The following N4BP2L1 variants were observed in gnomAD, a reference collection of about 807,000 sequenced individuals.
The protein encoded by N4BP2L1 is NEDD4-binding protein 2-like 1.
Under a neutral mutation model 21.2 loss-of-function variants are expected in N4BP2L1, and 12 were observed. The observed-to-expected ratio is 0.57, with a 90% CI of 0.36 to 0.92. N4BP2L1 has a LOEUF of 0.92. N4BP2L1 is among the 40% of genes least tolerant of loss of function. The pLI, the probability that N4BP2L1 is intolerant of heterozygous loss-of-function variation, is 0.01. For missense variants in N4BP2L1, 259 were observed against 310.6 expected (o/e 0.83, Z 1.25); for synonymous variants, 104 against 112.8 (o/e 0.92, Z 0.49).
At chr13:32,420,133 A>T (rs2074393268) in intron 1 of N4BP2L1, among the ~76,000 whole-genome samples, 1 of 152,356 alleles carries the variant, frequency 6.6e-6, no homozygotes, top group Admixed American at 6.5e-5. Flanking sequence ...TACTTCTCTT[A>T]CCTTTACCCC....
rs746513860 is a variant in N4BP2L1, at chr13:32,403,198, C to A, written c.476G>T (p.Arg159Ile). ...TTCTCTTGAGACACCATGAATGTTT[C>A]TTCTACATGGAAAAAAAATGCATTT... ...WKFNVQELAR[R>I]NIHGVSREKI... Residue 159 changes from arginine to isoleucine, a missense_variant and splice_region_variant, in exon 5 of 5, where the codon AGA becomes ATA. Physicochemically the swap from Arg to Ile is moderately conservative, Grantham distance 97 (BLOSUM62 -3). Coordinates refer to ENST00000380130, the MANE Select transcript of N4BP2L1 (RefSeq NM_052818.3). The A allele has an allele frequency of 6.3e-7, 1 of 1,586,030 alleles. No homozygotes were observed. The highest frequency in any genetic ancestry group is 1.1e-5 in the South Asian group (1 of 87,122).
At chr13:32,404,202 C>G in intron 4 of N4BP2L1, 119 bp downstream of exon 4, 1 of 1,607,366 alleles carries the variant, frequency 6.2e-7, no homozygotes, top group Non-Finnish European at 8.5e-7. Flanking sequence ...CCAAGAATTA[C>G]CATTTCTGGC....
At chr13:32,418,300 CA>C (rs1415080127) in intron 1 of N4BP2L1, among the ~76,000 whole-genome samples, 1 of 152,256 alleles carries the variant, frequency 6.6e-6, no homozygotes, top group African/African-American at 2.4e-5. Context: ...ACCATTGCTT[CA>C]GGGGGTACAA....
At position 32,402,155 on chromosome 13, in the gene N4BP2L1, T is replaced by TTAG; in HGVS notation, c.*784_*786dup. On this transcript the variant is annotated 3_prime_UTR_variant, in exon 5 of 5. Transcript: ENST00000380130. ...AGAAGTCGTTTATTCCTTTTAAAAG[T>TTAG]TAGTGTTTTATGAAGGCAGGCTTAT... 4.1e-6 allele frequency: 4 copies of TTAG among 985,056 alleles called. No homozygotes were observed. The highest frequency in any genetic ancestry group is 1.7e-5 in the African/African-American group (1 of 57,372). 61.0% of individuals were successfully genotyped at this position (985,056 alleles called of 1,614,324 possible).
At position 32,405,892 on chromosome 13, in the gene N4BP2L1, CTTTTTTTTTT is replaced by C. The variant is rs754694153; in HGVS notation, c.396+1348_396+1357del. Among the ~76,000 whole-genome samples, 6 of 101,256 alleles carry C rather than the reference CTTTTTTTTTT, an allele frequency of 5.9e-5. No individual in the cohort carries two copies. In the South Asian group the frequency reaches 1.5e-3, roughly 25 times the overall value. The allele number at this position is 101,256 out of a possible 152,430, so 66.4% of individuals were successfully genotyped here. A position where few individuals can be genotyped will look rare whatever the true frequency, so the allele number is the denominator to read the frequency against. ...TACTCCACTATCTGCTTCCTGCCCC[CTTTTTTTTTT>C]TTTTTTTTTTTTTTTTTTGAGACAG... On this transcript the variant is annotated intron_variant, in intron 3 of 4. Transcript: ENST00000380130.
intron 1 of N4BP2L1, 103 bp downstream of exon 1, chr13:32,427,801 G>C: frequency 1.4e-6 from 1 of 704,218 alleles, no homozygotes. Flanking sequence ...CCCGCGGCGG[G>C]GGCGCAAGCG....
intron 1 of N4BP2L1, among the ~76,000 whole-genome samples, chr13:32,409,454 A>G (rs980608336): frequency 1.3e-5 from 2 of 152,248 alleles, no homozygotes; most frequent in African/African-American, 2.4e-5. Flanking sequence ...GCGGGCCAGT[A>G]GATAATACAC....
At chr13:32,414,289 A>G (rs942604793) in intron 1 of N4BP2L1, among the ~76,000 whole-genome samples, 1 of 152,208 alleles carries the variant, frequency 6.6e-6, no homozygotes, top group Admixed American at 6.5e-5. Context: ...GTGCCATAAC[A>G]TAATGCTTAA....
In N4BP2L1 at chr13:32,402,979, G is replaced by C; in HGVS notation, c.695C>G (p.Ser232Cys). Residue 232 changes from serine (S) to cysteine (C), a missense_variant, in exon 5 of 5, where the codon TCC becomes TGC. Coordinates refer to ENST00000380130, the MANE Select transcript of N4BP2L1 (RefSeq NM_052818.3). ...RAHGGFTNES[S>C]YHRRGGCHHG... ...GTGACAACCGCCCCTTCTGTGATAGGAGCTCTCATTTGTAAATCCACCGTG... is the reference window on the plus strand; with the variant it reads ...GTGACAACCGCCCCTTCTGTGATAGCAGCTCTCATTTGTAAATCCACCGTG... 6.2e-7 allele frequency: 1 copy of C among 1,613,516 alleles called. No individual in the cohort carries two copies. Among genetic ancestry groups the C allele is most frequent in the Non-Finnish European group, 8.5e-7 (1 of 1,179,610 alleles).
In N4BP2L1 at chr13:32,403,193, T is replaced by C; in HGVS notation, c.481A>G (p.Ile161Val). The change falls in exon 5 of 5, where the codon ATT becomes GTT. Residue 161 changes from isoleucine (I) to valine (V), a missense_variant. Ile to Val is a conservative substitution (Grantham distance 29). Around this residue, in one of 3 missense-constraint regions of N4BP2L1, gnomAD observed 108 missense variants for 107.8 expected, o/e 1.00. Transcript: ENST00000380130. ...FNVQELARRNIHGVSREKIHR... is the reference protein window; with the variant it reads ...FNVQELARRNVHGVSREKIHR... ...ATTTTTTCTCTTGAGACACCATGAA[T>C]GTTTCTTCTACATGGAAAAAAAATG... The C allele has an allele frequency of 7.5e-6, 12 of 1,597,740 alleles. No individual in the cohort carries two copies. Among genetic ancestry groups the C allele is most frequent in the Non-Finnish European group, 1.0e-5 (12 of 1,170,820 alleles).
At chr13:32,428,384 C>T, upstream of N4BP2L1, 1 of 252,482 alleles carries the variant, frequency 4.0e-6, no homozygotes, top group Non-Finnish European at 7.5e-6. Flanking sequence ...GGAGGGGCCC[C>T]GTCTAGTAGG....
At chr13:32,413,378 G>T (rs1487155858) in intron 1 of N4BP2L1, among the ~76,000 whole-genome samples, 2 of 152,148 alleles carry the variant, frequency 1.3e-5, no homozygotes, top group African/African-American at 4.8e-5. Flanking sequence ...TCTCTAGTTG[G>T]TATGAGAATG....
Position 32,419,601 on chromosome 13 carries a change from C to G in N4BP2L1, c.179+8303G>C, listed in dbSNP as rs569500518. Among the ~76,000 whole-genome samples the G allele has an allele frequency of 3.0e-4, 46 of 151,976 alleles. 1 individual carries two copies. The South Asian group carries it at 9.4e-3, about 31-fold the overall frequency. ...TGATGGTTTCATAAGGCTTTTCCCCCTTTTGCTCAGCACTTCTCCTTCCTG... is the reference window on the plus strand; with the variant it reads ...TGATGGTTTCATAAGGCTTTTCCCCGTTTTGCTCAGCACTTCTCCTTCCTG... On this transcript the variant is annotated intron_variant, in intron 1 of 4. Transcript: ENST00000380130.
intron 1 of N4BP2L1, chr13:32,419,567 C>T (rs532787090): frequency 1.6e-4 from 42 of 260,672 alleles, no homozygotes; most frequent in South Asian, 5.0e-4. Context: ...CCACTGCGCC[C>T]GGCTGATCTG....
Position 32,402,892 on chromosome 13 carries a change from T to C in N4BP2L1, c.*50A>G. ...AAATGCAACAAAAAATAACAAAAACTGAAGTAGAAACTGACTTAGGAAAAT... is the reference window on the plus strand; with the variant it reads ...AAATGCAACAAAAAATAACAAAAACCGAAGTAGAAACTGACTTAGGAAAAT... On this transcript the variant is annotated 3_prime_UTR_variant, in exon 5 of 5. Coordinates refer to ENST00000380130, the MANE Select transcript of N4BP2L1 (RefSeq NM_052818.3). 1 of 1,514,874 alleles carries C rather than the reference T, an allele frequency of 6.6e-7. No homozygotes were observed. The highest frequency in any genetic ancestry group is 8.8e-7 in the Non-Finnish European group (1 of 1,131,546). 93.8% of individuals were successfully genotyped at this position (1,514,874 alleles called of 1,614,324 possible). A position where few individuals can be genotyped will look rare whatever the true frequency, so the allele number is the denominator to read the frequency against.
intron 1 of N4BP2L1, among the ~76,000 whole-genome samples, chr13:32,409,353 T>G (rs1416060613): frequency 6.6e-6 from 1 of 152,224 alleles, no homozygotes; most frequent in African/African-American, 2.4e-5. Flanking sequence ...TTTAATGAAC[T>G]AAACAGTGGC....
Position 32,407,286 on chromosome 13 carries a change from G to T in N4BP2L1, c.360C>A (p.Asn120Lys). The T allele has an allele frequency of 6.2e-7, 1 of 1,614,166 alleles. No homozygotes were observed. Among genetic ancestry groups the T allele is most frequent in the East Asian group, 2.2e-5 (1 of 44,868 alleles). ...GISPIIIDNT[N>K]LHAWEMKPYA... ...AGGGCTTCATTTCCCAGGCGTGGAG[G>T]TTGGTATTATCAATAATAATGGGGG... is the stretch of plus-strand genomic sequence containing the variant. Residue 120 changes from asparagine to lysine, a missense_variant, in exon 3 of 5, where the codon AAC becomes AAA. Coordinates refer to ENST00000380130, the MANE Select transcript of N4BP2L1 (RefSeq NM_052818.3).
In N4BP2L1 at chr13:32,428,010, G is replaced by A; in HGVS notation, c.73C>T (p.Pro25Ser). The A allele has an allele frequency of 6.4e-7, 1 of 1,557,336 alleles. No homozygotes were observed. The highest frequency in any genetic ancestry group is 8.7e-7 in the Non-Finnish European group (1 of 1,154,740). Residue 25 changes from proline (P) to serine (S), a missense_variant, in exon 1 of 5, where the codon CCG becomes TCG. Pro to Ser is a moderately conservative substitution (Grantham distance 74, BLOSUM62 -1). Coordinates refer to ENST00000380130, the MANE Select transcript of N4BP2L1 (RefSeq NM_052818.3). Reference protein sequence around the residue: ...QPQQQQQRQRPPRPPPRGTPP... With the variant: ...QPQQQQQRQRSPRPPPRGTPP... ...GTCCCCCGCGGGGGCGGCCGGGGCG[G>A]CCGCTGCCGCTGCTGCTGCTGCTGG...
At chr13:32,418,303 G>A (rs1163389957) in intron 1 of N4BP2L1, among the ~76,000 whole-genome samples, 1 of 152,252 alleles carries the variant, frequency 6.6e-6, no homozygotes, top group Non-Finnish European at 1.5e-5. Flanking sequence ...ATTGCTTCAG[G>A]GGGTACAAGC....
Sources: allele counts gnomAD v4.1 joint callset (sites outside exome capture counted in the v4.1 genomes callset), GRCh38; gene constraint gnomAD v4.1.1; regional missense constraint gnomAD v4.1.1; transcripts MANE v1.5; gene names NCBI Gene and HGNC (gene_info 2026-07-23, HGNC 2026-07-21).